PCDH9: variants seen among roughly 807,000 people sequenced by gnomAD.
PCDH9 encodes the protein protocadherin-9.
In PCDH9, 24 loss-of-function variants were observed where a neutral mutation model predicts 70.6. The ratio of observed to expected loss-of-function variants is 0.34; its 90% CI spans 0.25 to 0.48. The LOEUF (loss-of-function observed/expected upper bound fraction) is 0.48, where lower values mean the gene tolerates loss of function less well. Among genes scored for constraint, PCDH9 ranks in the 20% least tolerant of loss-of-function variants. The probability of loss-of-function intolerance (pLI) is 0.99; values close to 1 mark genes in which losing one functional copy is unlikely to be tolerated. For missense variants in PCDH9, 1,281 were observed against 1,503.6 expected (o/e 0.85, Z 2.45); for synonymous variants, 562 against 558.5 (o/e 1.01, Z -0.09).
At chr13:67,091,420 A>G (rs548720329) in intron 2 of PCDH9, among the ~76,000 whole-genome samples, 2 of 152,260 alleles carry the variant, frequency 1.3e-5, no homozygotes, top group African/African-American at 4.8e-5. Context: ...ACCTCCAACT[A>G]CAAATATTTT....
chr13:66,555,889 TTA>T (rs548245359), intron 4 of PCDH9, among the ~76,000 whole-genome samples: 2 of 147,804 alleles, frequency 1.4e-5, no homozygotes. Flanking sequence ...TATTGAAGTT[TTA>T]TATATATATA....
At chr13:66,544,153 C>T (rs1961080692) in intron 4 of PCDH9, among the ~76,000 whole-genome samples, 1 of 152,140 alleles carries the variant, frequency 6.6e-6, no homozygotes, top group Non-Finnish European at 1.5e-5. Context: ...AGCAAGCTCC[C>T]ATGACTACAG....
chr13:66,932,681 T>TATATACACAC (rs1313632174), intron 2 of PCDH9, among the ~76,000 whole-genome samples: 11 of 114,842 alleles, frequency 9.6e-5, no homozygotes, highest in African/African-American at 3.8e-4. Flanking sequence ...TATATATATA[T>TATATACACAC]ACACACACAC....
chr13:66,370,388 C>G (rs1251550707), intron 4 of PCDH9, among the ~76,000 whole-genome samples: 1 of 151,994 alleles, frequency 6.6e-6, no homozygotes, highest in Non-Finnish European at 1.5e-5. Context: ...ATTGTTTACC[C>G]CTTTTTGTTT....
chr13:67,176,222 A>G (rs2138464251), intron 2 of PCDH9, among the ~76,000 whole-genome samples: 1 of 152,300 alleles, frequency 6.6e-6, no homozygotes, highest in East Asian at 1.9e-4. Context: ...AGATGAACTC[A>G]AAAAGAGCGG....
At chr13:66,570,205 C>T (rs944227279) in intron 4 of PCDH9, among the ~76,000 whole-genome samples, 1 of 151,998 alleles carries the variant, frequency 6.6e-6, no homozygotes, top group African/African-American at 2.4e-5. Flanking sequence ...GTTGAAATGA[C>T]ACAGTTTAAA....
At chr13:66,468,190 A>T (rs1025345869) in intron 4 of PCDH9, among the ~76,000 whole-genome samples, 1 of 151,866 alleles carries the variant, frequency 6.6e-6, no homozygotes, top group Non-Finnish European at 1.5e-5. Context: ...AAATACCACC[A>T]CCATGGTATT....
At chr13:66,849,517 T>TATATATATATATAGAGAG (rs1272589939) in intron 3 of PCDH9, among the ~76,000 whole-genome samples, 1 of 63,582 alleles carries the variant, frequency 1.6e-5, no homozygotes, top group African/African-American at 8.3e-5. Flanking sequence ...TATATATATA[T>TATATATATATATAGAGAG]AGAGAGAGAG....
intron 2 of PCDH9, among the ~76,000 whole-genome samples, chr13:66,984,614 T>G (rs2083851112): frequency 6.6e-6 from 1 of 152,116 alleles, no homozygotes; most frequent in Admixed American, 6.6e-5. Flanking sequence ...ATTCTAATGC[T>G]AAAATGGAAT....
At chr13:66,650,816 T>C (rs1422771078) in intron 3 of PCDH9, among the ~76,000 whole-genome samples, 5 of 151,890 alleles carry the variant, frequency 3.3e-5, no homozygotes, top group Admixed American at 6.6e-5. Flanking sequence ...TAAAAAAACA[T>C]TGAAATTATA....
chr13:67,168,105 G>A (rs1465767324), intron 2 of PCDH9, among the ~76,000 whole-genome samples: 1 of 152,162 alleles, frequency 6.6e-6, no homozygotes, highest in Non-Finnish European at 1.5e-5. Flanking sequence ...CCACATTGTA[G>A]ACAACTTCTC....
At chr13:66,797,413 A>G (rs1200337670) in intron 3 of PCDH9, among the ~76,000 whole-genome samples, 1 of 152,174 alleles carries the variant, frequency 6.6e-6, no homozygotes, top group African/African-American at 2.4e-5. Context: ...CCATAGTGAC[A>G]TAGTTCTTTC....
intron 2 of PCDH9, among the ~76,000 whole-genome samples, chr13:67,139,441 T>C (rs1265732418): frequency 1.3e-5 from 2 of 152,178 alleles, no homozygotes; most frequent in Admixed American, 1.3e-4. Context: ...AACAGAGTGA[T>C]AATACAAAAT....
intron 4 of PCDH9, among the ~76,000 whole-genome samples, chr13:66,398,226 T>C (rs778328445): frequency 6.6e-6 from 1 of 152,106 alleles, no homozygotes; most frequent in Non-Finnish European, 1.5e-5. Context: ...AAAATGAGAC[T>C]CTGTGTCCAA....
intron 4 of PCDH9, among the ~76,000 whole-genome samples, chr13:66,484,175 C>T (rs959228847): frequency 7.2e-5 from 11 of 152,126 alleles, no homozygotes; most frequent in Admixed American, 3.3e-4. Context: ...CGAGAAACCC[C>T]GGGATACAGA....
At chr13:66,559,748 T>A (rs1389040943) in intron 4 of PCDH9, among the ~76,000 whole-genome samples, 1 of 135,428 alleles carries the variant, frequency 7.4e-6, no homozygotes, top group Non-Finnish European at 1.5e-5. Flanking sequence ...TGCAGTGAGC[T>A]GAGATCGTGC....
At chr13:66,486,817 T>C (rs1045006482) in intron 4 of PCDH9, among the ~76,000 whole-genome samples, 1 of 152,220 alleles carries the variant, frequency 6.6e-6, no homozygotes, top group Non-Finnish European at 1.5e-5. Flanking sequence ...TAAAGGTTTA[T>C]GTCTATTATA....
At chr13:66,661,830 T>A (rs1485464865) in intron 3 of PCDH9, among the ~76,000 whole-genome samples, 1 of 152,202 alleles carries the variant, frequency 6.6e-6, no homozygotes, top group East Asian at 1.9e-4. Flanking sequence ...TTCTAGTCAA[T>A]TTGTATTTAT....
chr13:66,539,533 T>C (rs1345672416), intron 4 of PCDH9, among the ~76,000 whole-genome samples: 1 of 152,082 alleles, frequency 6.6e-6, no homozygotes, highest in African/African-American at 2.4e-5. Context: ...TGCCATAATA[T>C]TGGGAGGTGA....
Sources: allele counts gnomAD v4.1 joint callset (sites outside exome capture counted in the v4.1 genomes callset), GRCh38; gene constraint gnomAD v4.1.1; transcripts MANE v1.5; gene names NCBI Gene and HGNC (gene_info 2026-07-23, HGNC 2026-07-21).